Variants in HDDC2 observed in about 807,000 individuals in gnomAD.
HDDC2 encodes HD domain containing 2, also known as 5'-deoxynucleotidase HDDC2.
HDDC2 carries 25 observed loss-of-function variants against 25.5 expected under a neutral mutation model. That is an observed-to-expected ratio of 0.98 (90% CI 0.72 to 1.37). The LOEUF (loss-of-function observed/expected upper bound fraction) is 1.37. HDDC2 is among the 40% of genes most tolerant of loss of function. The pLI, the probability that HDDC2 is intolerant of heterozygous loss-of-function variation, is 0.00. For missense variants in HDDC2, 264 were observed against 253.1 expected, an observed-to-expected ratio of 1.04 and a Z score of -0.29; for synonymous variants, 106 against 89.7, an observed-to-expected ratio of 1.18 and a Z score of -1.03.
At chr6:125,279,687 A>G (rs1245435507) in intron 4 of HDDC2, among the ~76,000 whole-genome samples, 4 of 152,204 alleles carry the variant, frequency 2.6e-5, no homozygotes, top group Non-Finnish European at 5.9e-5. Flanking sequence ...AAAGAAAAAG[A>G]GCAATTTGAA....
intron 4 of HDDC2, among the ~76,000 whole-genome samples, chr6:125,291,700 AGAGTC>A (rs1345529640): frequency 6.6e-6 from 1 of 152,210 alleles, no homozygotes; most frequent in Non-Finnish European, 1.5e-5. Context: ...GTGGTTAAAT[AGAGTC>A]AAGTAACTCA....
intron 5 of HDDC2, chr6:125,276,660 AG>A (rs1798374044): frequency 1.7e-5 from 4 of 238,890 alleles, no homozygotes; most frequent in Non-Finnish European, 3.2e-5. Context: ...GGAAGATCAG[AG>A]GGGCTAGGCT....
At chr6:125,279,664 A>C (rs568188621) in intron 4 of HDDC2, among the ~76,000 whole-genome samples, 1 of 152,320 alleles carries the variant, frequency 6.6e-6, no homozygotes, top group South Asian at 2.1e-4. Flanking sequence ...AAAATAAATA[A>C]ATTAAAAATA....
At chr6:125,286,104 A>AT (rs1398213295) in intron 4 of HDDC2, among the ~76,000 whole-genome samples, 1 of 152,254 alleles carries the variant, frequency 6.6e-6, no homozygotes, top group Non-Finnish European at 1.5e-5. Context: ...CAGAGAAACT[A>AT]TTAATAACAT....
At chr6:125,301,726 T>A (rs1308606598) in intron 1 of HDDC2, 123 bp downstream of exon 1, 2 of 671,618 alleles carry the variant, frequency 3.0e-6, no homozygotes, top group Non-Finnish European at 4.7e-6. Context: ...CTTTCCGGAA[T>A]TCGGCGTGGC....
intron 4 of HDDC2, among the ~76,000 whole-genome samples, chr6:125,282,098 C>G (rs1461648610): frequency 6.6e-6 from 1 of 152,168 alleles, no homozygotes; most frequent in Non-Finnish European, 1.5e-5. Context: ...GTAATCCAAA[C>G]ACTTTGGGAG....
rs970842227 is a variant in HDDC2, at chr6:125,297,523, G to A, written c.309+1191C>T. ...ATCCTGCTGGCTACTGAGCCCGTTAGTCTACAGGTGTACAGATCAAAATGG... is the reference window on the plus strand; with the variant it reads ...ATCCTGCTGGCTACTGAGCCCGTTAATCTACAGGTGTACAGATCAAAATGG... On this transcript the variant is annotated intron_variant, in intron 3 of 5. Coordinates refer to ENST00000398153, the MANE Select transcript of HDDC2 (RefSeq NM_016063.3). 4 of 400,204 alleles carry A rather than the reference G, an allele frequency of 1.0e-5. No individual in the cohort carries two copies. The East Asian group carries it at 1.4e-4, about 14-fold the overall frequency. The allele number at this position is 400,204 out of a possible 1,614,324, so 24.8% of individuals were successfully genotyped here. A position where few individuals can be genotyped will look rare whatever the true frequency, so the allele number is the denominator to read the frequency against.
chr6:125,278,804 T>C (rs1329871711), intron 4 of HDDC2: 1 of 151,770 alleles, frequency 6.6e-6, no homozygotes, highest in Non-Finnish European at 1.5e-5. Flanking sequence ...GCAGTGAAAA[T>C]GGAAAGAAGT....
At chr6:125,281,294 C>T (rs541057943) in intron 4 of HDDC2, among the ~76,000 whole-genome samples, 1 of 152,190 alleles carries the variant, frequency 6.6e-6, no homozygotes, top group East Asian at 1.9e-4. Flanking sequence ...ATAGAATGCC[C>T]CTTCTCCTAC....
chr6:125,285,236 C>G (rs1798513471), intron 4 of HDDC2, among the ~76,000 whole-genome samples: 1 of 151,872 alleles, frequency 6.6e-6, no homozygotes, highest in South Asian at 2.1e-4. Flanking sequence ...ATGGGTGCAG[C>G]AAACCACCAT....
intron 4 of HDDC2, 26 bp from the exon 5 acceptor site, chr6:125,277,266 C>T: frequency 6.2e-7 from 1 of 1,612,672 alleles, no homozygotes. Context: ...ATTAAAGCAG[C>T]ATGATTAGCG....
rs1798438684 is a variant in HDDC2, at chr6:125,280,314, C to T, written c.379-3074G>A. On this transcript the variant is annotated intron_variant, in intron 4 of 5. Transcript: ENST00000398153. ...GGTTTCAAGCACAAAACTGGGCAGC[C>T]GTTTGGGCAGACACCGAGCTAGCTA... Among the ~76,000 whole-genome samples, 4 of 152,258 alleles carry T rather than the reference C, an allele frequency of 2.6e-5. 1 individual carries two copies. Among genetic ancestry groups the T allele is most frequent in the Middle Eastern group, 6.8e-3 (2 of 294 alleles).
At chr6:125,286,404 A>C (rs1798535348) in intron 4 of HDDC2, among the ~76,000 whole-genome samples, 1 of 152,258 alleles carries the variant, frequency 6.6e-6, no homozygotes, top group African/African-American at 2.4e-5. Flanking sequence ...AGAATTAATG[A>C]TGGTGGTATA....
At chr6:125,301,683 G>T (rs980025889) in intron 1 of HDDC2, among the ~76,000 whole-genome samples, 166 bp downstream of exon 1, 2 of 152,142 alleles carry the variant, frequency 1.3e-5, no homozygotes, top group South Asian at 2.1e-4. Context: ...GTCCACCGTC[G>T]GCAACGCGCG....
intron 1 of HDDC2, among the ~76,000 whole-genome samples, chr6:125,301,315 G>A (rs994555231): frequency 6.6e-6 from 1 of 152,100 alleles, no homozygotes; most frequent in African/African-American, 2.4e-5. Context: ...ATCCCGTTTG[G>A]GGGGTGGCCG....
chr6:125,280,035 G>A (rs1439034622), intron 4 of HDDC2, among the ~76,000 whole-genome samples: 2 of 152,200 alleles, frequency 1.3e-5, no homozygotes, highest in Admixed American at 6.5e-5. Context: ...TCCAACTGGG[G>A]TATCCGGTTC....
intron 4 of HDDC2, among the ~76,000 whole-genome samples, chr6:125,286,677 C>G (rs1382833642): frequency 6.6e-6 from 1 of 152,058 alleles, no homozygotes; most frequent in Non-Finnish European, 1.5e-5. Flanking sequence ...CTTGGAATAC[C>G]ATTTTCTATT....
chr6:125,298,762 T>C lies in HDDC2; in HGVS notation c.261A>G (p.Ile87Met), dbSNP rs1435691001. Residue 87 changes from isoleucine to methionine, a missense_variant, in exon 3 of 6, where the codon ATA becomes ATG. Coordinates refer to ENST00000398153, the MANE Select transcript of HDDC2 (RefSeq NM_016063.3). The part of the protein sequence containing the change: ...HDMAECIVGD[I>M]APADNIPKEE... ...CTTTGGGGATGTTATCTGCTGGTGC[T>C]ATGTCCCCAACGATGCATTCTGCCA... 13 of 1,614,192 alleles carry C rather than the reference T, an allele frequency of 8.1e-6. No homozygotes were observed. Among genetic ancestry groups the C allele is most frequent in the Middle Eastern group, 1.6e-4 (1 of 6,062 alleles).
intron 4 of HDDC2, among the ~76,000 whole-genome samples, chr6:125,286,956 A>C (rs1488669995): frequency 6.6e-6 from 1 of 152,254 alleles, no homozygotes; most frequent in Non-Finnish European, 1.5e-5. Context: ...TATGTGGTGC[A>C]TGACAAAAGA....
Sources: gnomAD v4.1 joint callset for allele counts (sites outside exome capture counted in the v4.1 genomes callset) on GRCh38, gnomAD v4.1.1 for gene constraint, MANE v1.5 for transcripts, NCBI Gene and HGNC (gene_info 2026-07-23, HGNC 2026-07-21) for gene names.